The following CMYA5 variants were observed in gnomAD, a reference collection of about 807,000 sequenced individuals.
CMYA5 encodes the protein cardiomyopathy-associated protein 5.
Under a neutral mutation model 318.9 loss-of-function variants are expected in CMYA5, and 246 were observed. The ratio of observed to expected loss-of-function variants is 0.77; its 90% confidence interval spans 0.70 to 0.86. CMYA5 has a LOEUF of 0.86. CMYA5 is among the 40% of genes least tolerant of loss of function. The pLI, the probability that CMYA5 is intolerant of heterozygous loss-of-function variation, is 0.00. For missense variants in CMYA5, 4,589 were observed against 4,678.2 expected, an observed-to-expected ratio of 0.98 and a Z score of 0.56; for synonymous variants, 1,641 against 1,729.5, an observed-to-expected ratio of 0.95 and a Z score of 1.27.
intron 9 of CMYA5, among the ~76,000 whole-genome samples, chr5:79,776,002 C>T (rs1483878572): frequency 1.3e-5 from 2 of 152,200 alleles, no homozygotes; most frequent in Non-Finnish European, 2.9e-5. Flanking sequence ...GGACCTTTGG[C>T]TTATGCTGAT....
chr5:79,737,835 A>T lies in CMYA5; in HGVS notation c.9070A>T (p.Thr3024Ser). 1 of 1,603,138 alleles carries T rather than the reference A, an allele frequency of 6.2e-7. No homozygotes were observed. Among genetic ancestry groups the T allele is most frequent in the Non-Finnish European group, 8.5e-7 (1 of 1,177,276 alleles). ...TPLKENKQKE[T>S]HKTKEEISTD... is the part of the protein sequence containing the mutation. The stretch of plus-strand genomic sequence containing the variant: ...ATTGAAAGAAAATAAACAAAAGGAA[A>T]CTCATAAGACAAAAGAAGAGATATC... The change falls in exon 2 of 13, where the codon ACT becomes TCT. Residue 3024 changes from threonine to serine, a missense_variant. Thr to Ser is a moderately conservative substitution (Grantham distance 58). Around this residue, in one of 3 missense-constraint regions of CMYA5, gnomAD observed 2,431 missense variants for 2,495.1 expected, o/e 0.97. Coordinates refer to ENST00000446378, the MANE Select transcript of CMYA5 (RefSeq NM_153610.5).
intron 9 of CMYA5, among the ~76,000 whole-genome samples, chr5:79,774,654 G>C (rs562934100): frequency 6.6e-6 from 1 of 152,150 alleles, no homozygotes; most frequent in African/African-American, 2.4e-5. Context: ...AGACACTCCC[G>C]GGGCCATCCT....
intron 6 of CMYA5, 76 bp downstream of exon 6, chr5:79,752,870 A>G (rs542943108): frequency 3.0e-6 from 3 of 993,928 alleles, no homozygotes; most frequent in Non-Finnish European, 4.6e-6. Context: ...GTAATGATAT[A>G]TACAAAAGAT....
chr5:79,725,704 G>T (rs963305752), intron 1 of CMYA5, among the ~76,000 whole-genome samples: 6 of 152,184 alleles, frequency 3.9e-5, no homozygotes, highest in Admixed American at 3.9e-4. Context: ...GAAGTTCGAG[G>T]CCAGCCTCAT....
chr5:79,710,701 A>C (rs185543134), intron 1 of CMYA5, among the ~76,000 whole-genome samples: 2 of 152,154 alleles, frequency 1.3e-5, no homozygotes, highest in South Asian at 4.2e-4. Context: ...TTATTAGAAA[A>C]ATTTTTTATT....
rs375874505 is a variant in CMYA5 at position 79,731,006 on chromosome 5, C to T, written c.2241C>T (p.Ala747=). Residue 747 remains alanine, a synonymous_variant, in exon 2 of 13, where the codon GCC becomes GCT. Transcript: ENST00000446378. ...CTGGATCGTTTACTCCAGCTGTGGC[C>T]CCTGCTTCTGAGCCCTCTCTCTCAC... ...EDTGSFTPAV[A]PASEPSLSPS... 2 of 1,613,836 alleles carry T rather than the reference C, an allele frequency of 1.2e-6. No homozygotes were observed. Among genetic ancestry groups the T allele is most frequent in the Non-Finnish European group, 1.7e-6 (2 of 1,179,886 alleles).
intron 1 of CMYA5, among the ~76,000 whole-genome samples, chr5:79,724,589 G>T (rs1309931803): frequency 6.6e-6 from 1 of 152,160 alleles, no homozygotes. Context: ...ATCTATGTGG[G>T]ATGTTAACTG....
At chr5:79,721,243 T>G (rs1827619751) in intron 1 of CMYA5, among the ~76,000 whole-genome samples, 1 of 152,120 alleles carries the variant, frequency 6.6e-6, no homozygotes, top group Non-Finnish European at 1.5e-5. Flanking sequence ...GCTCACTTTG[T>G]GAAGCTAAGG....
intron 1 of CMYA5, among the ~76,000 whole-genome samples, chr5:79,706,597 C>T (rs886993535): frequency 1.4e-4 from 21 of 152,272 alleles, no homozygotes; most frequent in African/African-American, 5.1e-4. Flanking sequence ...GCCCCTCATG[C>T]GTCCGTTTAT....
Position 79,789,050 on chromosome 5 carries a change from A to G in CMYA5, c.11635A>G (p.Ile3879Val). The change falls in exon 10 of 13, where the codon ATC (isoleucine) becomes GTC (valine). Residue 3879 changes from isoleucine (I) to valine (V), a missense_variant. This residue lies in a region of CMYA5 where 2,431 missense variants were observed against 2,495.1 expected (regional missense o/e 0.97). Coordinates refer to ENST00000446378, the MANE Select transcript of CMYA5 (RefSeq NM_153610.5). ...NDNYFFYVRAINAFGTSEQSE... is the reference protein window; with the variant it reads ...NDNYFFYVRAVNAFGTSEQSE... ...TAACTACTTTTTCTATGTGAGGGCC[A>G]TCAATGCATTTGGGACAAGTGAACA... 1.2e-6 allele frequency: 2 copies of G among 1,613,988 alleles called. No homozygotes were observed. Among genetic ancestry groups the G allele is most frequent in the South Asian group, 1.1e-5 (1 of 91,082 alleles).
intron 1 of CMYA5, among the ~76,000 whole-genome samples, chr5:79,718,220 T>C (rs1464105872): frequency 2.6e-5 from 4 of 152,188 alleles, no homozygotes; most frequent in African/African-American, 9.7e-5. Context: ...TGAACTGTTA[T>C]TCAGCAATGC....
At chr5:79,772,287 T>G (rs1216918624) in intron 9 of CMYA5, among the ~76,000 whole-genome samples, 1 of 152,202 alleles carries the variant, frequency 6.6e-6, no homozygotes, top group Non-Finnish European at 1.5e-5. Flanking sequence ...AAATTTATAA[T>G]AGAACAATAC....
At chr5:79,793,983 G>T (rs1330993392) in intron 12 of CMYA5, among the ~76,000 whole-genome samples, 1 of 152,110 alleles carries the variant, frequency 6.6e-6, no homozygotes, top group African/African-American at 2.4e-5. Flanking sequence ...GAAGAGGGAG[G>T]GGCAGCTGGG....
chr5:79,720,428 ATTTTTTTTTTTT>A (rs1159659122), intron 1 of CMYA5, among the ~76,000 whole-genome samples: 1 of 44,812 alleles, frequency 2.2e-5, no homozygotes, highest in Non-Finnish European at 4.3e-5. Context: ...TGCCAATCTA[ATTTTTTTTTTTT>A]TTTTTTTTTT....
chr5:79,748,416 C>A (rs1828367443), intron 5 of CMYA5, among the ~76,000 whole-genome samples: 2 of 152,214 alleles, frequency 1.3e-5, no homozygotes, highest in Non-Finnish European at 2.9e-5. Flanking sequence ...CAGGCATCTG[C>A]TTGTTACCAA....
chr5:79,738,611 T>C lies in CMYA5; in HGVS notation c.9846T>C (p.Ile3282=), dbSNP rs1200648353. The part of the protein sequence containing the change: ...SYQPIAAEGE[I]WGKFGTICRE... Reference sequence around the variant, plus strand: ...AACCGATAGCTGCAGAAGGGGAAATTTGGGGAAAGTTTGGAACTATTTGCA... The same window carrying C: ...AACCGATAGCTGCAGAAGGGGAAATCTGGGGAAAGTTTGGAACTATTTGCA... The change falls in exon 2 of 13, where the codon ATT becomes ATC. Residue 3282 remains isoleucine (I), a synonymous_variant. Transcript: ENST00000446378. 2 of 1,613,574 alleles carry C rather than the reference T, an allele frequency of 1.2e-6. No individual in the cohort carries two copies. The highest frequency in any genetic ancestry group is 1.7e-6 in the Non-Finnish European group (2 of 1,179,796).
intron 1 of CMYA5, among the ~76,000 whole-genome samples, chr5:79,723,103 A>T (rs1352343296): frequency 6.6e-6 from 1 of 152,172 alleles, no homozygotes; most frequent in Non-Finnish European, 1.5e-5. Flanking sequence ...TCTATGAGGC[A>T]TCATAATCTT....
intron 1 of CMYA5, among the ~76,000 whole-genome samples, chr5:79,714,434 T>TTTCTTTTTC (rs796379893): frequency 2.9e-5 from 4 of 139,526 alleles, no homozygotes; most frequent in East Asian, 4.2e-4. Context: ...TCTTTTTCTT[T>TTTCTTTTTC]TTTTTTTTTT....
In CMYA5 at chr5:79,738,017, G is replaced by C; in HGVS notation, c.9252G>C (p.Lys3084Asn). The part of the protein sequence containing the change: ...QKLNVEEKLS[K>N]EVTEETISFP... ...TAAATGTTGAAGAGAAACTCTCAAA[G>C]GAAGTTACAGAAGAAACTATCTCTT... Residue 3084 changes from lysine (K) to asparagine (N), a missense_variant, in exon 2 of 13, where the codon AAG becomes AAC. Physicochemically the swap from Lys to Asn is moderately conservative, Grantham distance 94 (BLOSUM62 0). Coordinates refer to ENST00000446378, the MANE Select transcript of CMYA5 (RefSeq NM_153610.5). The C allele has an allele frequency of 3.7e-6, 6 of 1,613,546 alleles. No individual in the cohort carries two copies. In the South Asian group the frequency reaches 4.4e-5, roughly 12 times the overall value.
Sources: gnomAD v4.1 joint callset for allele counts (sites outside exome capture counted in the v4.1 genomes callset) on GRCh38, gnomAD v4.1.1 for gene constraint, gnomAD v4.1.1 regional missense constraint, MANE v1.5 for transcripts, NCBI Gene and HGNC (gene_info 2026-07-23, HGNC 2026-07-21) for gene names.